HSDL2: variants seen among roughly 807,000 people sequenced by gnomAD.
HSDL2 encodes hydroxysteroid dehydrogenase like 2, also known as hydroxysteroid dehydrogenase-like protein 2.
Under a neutral mutation model 46.3 loss-of-function variants are expected in HSDL2, and 27 were observed. The ratio of observed to expected loss-of-function variants is 0.58; its 90% confidence interval spans 0.43 to 0.80. HSDL2 has a LOEUF of 0.80. Ranked by LOEUF, HSDL2 falls within the 30% of genes least tolerant of loss-of-function variation. The pLI is 0.00. For synonymous variants in HSDL2, 153 were observed against 163.6 expected (o/e 0.94, Z 0.50); for missense variants, 451 against 502.7 (o/e 0.90, Z 0.98).
intron 8 of HSDL2, among the ~76,000 whole-genome samples, chr9:112,450,261 C>CCG (rs1554714614): frequency 3.8e-4 from 49 of 130,304 alleles, no homozygotes; most frequent in Non-Finnish European, 3.2e-4. Flanking sequence ...GAGACCCCCC[C>CCG]CCCATCTCTA....
intron 6 of HSDL2, among the ~76,000 whole-genome samples, chr9:112,424,010 G>A (rs1393550762): frequency 2.0e-5 from 3 of 151,448 alleles, no homozygotes; most frequent in Non-Finnish European, 4.4e-5. Flanking sequence ...CACCACACCT[G>A]GCCTAGATGG....
At chr9:112,400,892 G>C (rs1347869540) in intron 1 of HSDL2, among the ~76,000 whole-genome samples, 1 of 152,122 alleles carries the variant, frequency 6.6e-6, no homozygotes, top group Non-Finnish European at 1.5e-5. Context: ...ACACCTGTCC[G>C]ATTGGAGTAA....
intron 1 of HSDL2, among the ~76,000 whole-genome samples, chr9:112,396,999 G>A (rs1220370587): frequency 6.6e-6 from 1 of 152,200 alleles, no homozygotes; most frequent in Non-Finnish European, 1.5e-5. Context: ...TCTGTGGCAA[G>A]GGATTTCCAT....
At chr9:112,458,389 G>C (rs143917010) in intron 9 of HSDL2, among the ~76,000 whole-genome samples, 1 of 149,238 alleles carries the variant, frequency 6.7e-6, no homozygotes, top group African/African-American at 2.5e-5. Context: ...GCAATGGCGC[G>C]ATCTTGGCTC....
At chr9:112,432,039 C>T (rs1373600256) in intron 6 of HSDL2, among the ~76,000 whole-genome samples, 1 of 152,116 alleles carries the variant, frequency 6.6e-6, no homozygotes, top group Non-Finnish European at 1.5e-5. Flanking sequence ...GCCACCACAC[C>T]TGGCTAATTT....
chr9:112,444,793 C>T (rs1361679856), intron 8 of HSDL2, among the ~76,000 whole-genome samples: 1 of 151,506 alleles, frequency 6.6e-6, no homozygotes, highest in Non-Finnish European at 1.5e-5. Context: ...ATTCCCCCCA[C>T]CCCTACTCTC....
chr9:112,417,653 G>C (rs918861978), intron 5 of HSDL2, among the ~76,000 whole-genome samples: 2 of 152,064 alleles, frequency 1.3e-5, no homozygotes, highest in African/African-American at 2.4e-5. Context: ...AAGGCACTTG[G>C]AATGGGAACC....
chr9:112,399,458 C>A (rs567585892), intron 1 of HSDL2, among the ~76,000 whole-genome samples: 3 of 152,256 alleles, frequency 2.0e-5, no homozygotes, highest in Non-Finnish European at 4.4e-5. Context: ...ACATCTTAAA[C>A]AACAGAAAAC....
At chr9:112,446,392 G>A (rs569260431) in intron 8 of HSDL2, among the ~76,000 whole-genome samples, 1 of 152,188 alleles carries the variant, frequency 6.6e-6, no homozygotes. Context: ...GGGAGGCTGT[G>A]GTGGGAGGAT....
rs78040766 is a variant in HSDL2 at position 112,447,756 on chromosome 9, A to G, written c.865+5986A>G. The stretch of plus-strand genomic sequence containing the variant: ...AGGAAATATTTATTACTCAGTGGAT[A>G]AAATTGCAGGCTCTGGAGTCAGACT... On this transcript the variant is annotated intron_variant, in intron 8 of 10. Coordinates refer to ENST00000398805, the MANE Select transcript of HSDL2 (RefSeq NM_032303.5). Among the ~76,000 whole-genome samples the G allele has an allele frequency of 2.8e-4, 42 of 152,358 alleles. 1 individual carries two copies. The East Asian group carries it at 6.9e-3, about 25-fold the overall frequency.
intron 8 of HSDL2, among the ~76,000 whole-genome samples, chr9:112,450,527 G>A (rs953314609): frequency 6.6e-6 from 1 of 151,144 alleles, no homozygotes; most frequent in South Asian, 2.1e-4. Context: ...TATTCGGGAG[G>A]CTGAGGCACA....
At chr9:112,442,862 TTTTA>T (rs1444666153) in intron 8 of HSDL2, among the ~76,000 whole-genome samples, 1 of 152,168 alleles carries the variant, frequency 6.6e-6, no homozygotes, top group Non-Finnish European at 1.5e-5. Context: ...TCCAGCTTTC[TTTTA>T]TTTATTCTTT....
chr9:112,447,574 G>C (rs1035627044), intron 8 of HSDL2, among the ~76,000 whole-genome samples: 1 of 152,138 alleles, frequency 6.6e-6, no homozygotes, highest in Non-Finnish European at 1.5e-5. Context: ...CACATGACCT[G>C]CCTTTGGAAA....
rs1832515940 is a variant in HSDL2 at position 112,435,992 on chromosome 9, G to A, written c.599-2439G>A. On this transcript the variant is annotated intron_variant, in intron 6 of 10. Coordinates refer to ENST00000398805, the MANE Select transcript of HSDL2 (RefSeq NM_032303.5). ...TTGGTTAAGGAAAAAATTATTTCTA[G>A]GGCTGGACACGGTGGCTCACACCTG... 5.3e-5 allele frequency among the ~76,000 whole-genome samples: 8 copies of A among 151,734 alleles called. No individual in the cohort carries two copies. In the South Asian group the frequency reaches 1.7e-3, roughly 31 times the overall value.
At chr9:112,448,589 C>T (rs1174711913) in intron 8 of HSDL2, among the ~76,000 whole-genome samples, 1 of 151,814 alleles carries the variant, frequency 6.6e-6, no homozygotes, top group Non-Finnish European at 1.5e-5. Context: ...TGCTCCGTTG[C>T]CCAGGCTGGA....
chr9:112,406,048 CTACTCAGG>C (rs1288772374), intron 3 of HSDL2, among the ~76,000 whole-genome samples: 1 of 151,924 alleles, frequency 6.6e-6, no homozygotes, highest in African/African-American at 2.4e-5. Context: ...GTAATCCCAG[CTACTCAGG>C]AGGCTGAGGT....
chr9:112,381,556 A>G (rs914763724), intron 1 of HSDL2, among the ~76,000 whole-genome samples: 2 of 152,054 alleles, frequency 1.3e-5, no homozygotes, highest in African/African-American at 2.4e-5. Context: ...GGGTTTCACC[A>G]TGTTAGCCAG....
intron 1 of HSDL2, 24 bp downstream of exon 1, chr9:112,380,204 G>A: frequency 6.4e-7 from 1 of 1,554,904 alleles, no homozygotes; most frequent in Non-Finnish European, 8.7e-7. Context: ...GGCGGCGCGG[G>A]GAGAGACCCT....
At chr9:112,402,550 TAA>T (rs34600812) in intron 1 of HSDL2, among the ~76,000 whole-genome samples, 11 of 140,190 alleles carry the variant, frequency 7.8e-5, no homozygotes, top group Non-Finnish European at 9.2e-5. Context: ...AGAGCTGTCT[TAA>T]AAAAAAAAAA....
Sources: allele counts gnomAD v4.1 joint callset (sites outside exome capture counted in the v4.1 genomes callset), GRCh38; gene constraint gnomAD v4.1.1; transcripts MANE v1.5; gene names NCBI Gene and HGNC (gene_info 2026-07-23, HGNC 2026-07-21).